AMACR: variants seen among roughly 807,000 people sequenced by gnomAD.
The protein encoded by AMACR is alpha-methylacyl-CoA racemase.
In AMACR, 18 loss-of-function variants were observed where a neutral mutation model predicts 22.2. The ratio of observed to expected loss-of-function variants is 0.81; its 90% CI spans 0.56 to 1.20. The LOEUF is 1.20. Among genes scored for constraint, AMACR ranks in the 50% most tolerant of loss-of-function variants. The pLI is 0.00. For missense variants in AMACR, 499 were observed against 490.6 expected, an observed-to-expected ratio of 1.02 and a Z score of -0.16; for synonymous variants, 213 against 191.3, an observed-to-expected ratio of 1.11 and a Z score of -0.94.
At position 33,988,296 on chromosome 5, in the gene AMACR, G is replaced by A; in HGVS notation, c.*797C>T. On this transcript the variant is annotated 3_prime_UTR_variant, in exon 5 of 5. Coordinates refer to ENST00000335606, the MANE Select transcript of AMACR (RefSeq NM_014324.6). ...GAGACACAAAACGACTTGCTGGGGG[G>A]TCCTGAGATCTTTATTTCTGGATGT... The A allele has an allele frequency of 6.5e-7, 1 of 1,537,188 alleles. No homozygotes were observed. The highest frequency in any genetic ancestry group is 8.7e-7 in the Non-Finnish European group (1 of 1,146,138).
intron 4 of AMACR, among the ~76,000 whole-genome samples, chr5:33,994,629 G>A (rs6863657): frequency 0.065 from 9,870 of 152,254 alleles, 462 homozygotes; most frequent in Non-Finnish European, 0.095. Flanking sequence ...GGTAGATTAG[G>A]TGAAAGGTGG....
chr5:33,998,423 T>C, intron 4 of AMACR, among the ~76,000 whole-genome samples: 1 of 152,154 alleles, frequency 6.6e-6, no homozygotes, highest in Admixed American at 6.6e-5. Flanking sequence ...AAGGGATTAT[T>C]ATTTTTAAAA....
In AMACR at chr5:33,988,323, G is replaced by T; in HGVS notation, c.*770C>A. 6.5e-7 allele frequency: 1 copy of T among 1,541,442 alleles called. No homozygotes were observed. Among genetic ancestry groups the T allele is most frequent in the Non-Finnish European group, 8.7e-7 (1 of 1,148,970 alleles). On this transcript the variant is annotated 3_prime_UTR_variant, in exon 5 of 5. Transcript: ENST00000335606. ...CCTGAGATCTTTATTTCTGGATGTT[G>T]CTGTGTGTTGGGTATAAGATCCAGA...
chr5:33,998,525 A>T, intron 4 of AMACR, 116 bp downstream of exon 4: 2 of 1,042,332 alleles, frequency 1.9e-6, no homozygotes, highest in Non-Finnish European at 2.8e-6. Context: ...TAATTAGGTT[A>T]ATTAGAAAGT....
chr5:34,003,965 A>C (rs1285486160), intron 3 of AMACR, among the ~76,000 whole-genome samples: 1 of 152,198 alleles, frequency 6.6e-6, no homozygotes, highest in African/African-American at 2.4e-5. Context: ...CCTCCTCTTT[A>C]AAACAACAAG....
intron 1 of AMACR, 135 bp downstream of exon 1, chr5:34,007,638 A>G: frequency 1.5e-6 from 2 of 1,336,016 alleles, no homozygotes. Context: ...GGAGGCAAAA[A>G]TCTGGAAGGC....
intron 4 of AMACR, among the ~76,000 whole-genome samples, chr5:33,990,336 G>A (rs899867163): frequency 1.1e-4 from 16 of 152,116 alleles, no homozygotes; most frequent in African/African-American, 3.9e-4. Flanking sequence ...TTTCCTCTCC[G>A]GCATGAAAGG....
chr5:34,006,432 A>G (rs576358309), intron 1 of AMACR, among the ~76,000 whole-genome samples: 15 of 152,236 alleles, frequency 9.9e-5, no homozygotes, highest in Non-Finnish European at 2.1e-4. Flanking sequence ...GCTATCAACA[A>G]GTATAGTATT....
At chr5:33,991,701 C>T (rs1753478779) in intron 4 of AMACR, among the ~76,000 whole-genome samples, 1 of 148,320 alleles carries the variant, frequency 6.7e-6, no homozygotes, top group African/African-American at 2.5e-5. Flanking sequence ...TGATATATGT[C>T]CAGGATGGCA....
chr5:34,006,817 C>T (rs2112074931), intron 1 of AMACR, among the ~76,000 whole-genome samples: 1 of 152,338 alleles, frequency 6.6e-6, no homozygotes, highest in South Asian at 2.1e-4. Flanking sequence ...CACCATTTAC[C>T]GATTTCCCAC....
chr5:33,991,909 C>T (rs1174226533), intron 4 of AMACR, among the ~76,000 whole-genome samples: 1 of 151,912 alleles, frequency 6.6e-6, no homozygotes, highest in African/African-American at 2.4e-5. Flanking sequence ...GACAGAGTCT[C>T]ACACTATTGC....
chr5:33,997,427 C>T (rs374760114), intron 4 of AMACR: 6 of 778,188 alleles, frequency 7.7e-6, no homozygotes, highest in African/African-American at 5.1e-5. Flanking sequence ...TGGGCTGCAA[C>T]GATGGCCATT....
intron 4 of AMACR, among the ~76,000 whole-genome samples, chr5:33,990,272 T>C (rs1753435989): frequency 6.6e-6 from 1 of 152,228 alleles, no homozygotes; most frequent in Non-Finnish European, 1.5e-5. Context: ...ATTGTTCCTA[T>C]AATAAACAAA....
At chr5:34,007,731 C>T (rs1754030417) in intron 1 of AMACR, 42 bp downstream of exon 1, 1 of 1,516,040 alleles carries the variant, frequency 6.6e-7, no homozygotes, top group Non-Finnish European at 8.8e-7. Context: ...CCCTCCCCTC[C>T]GCGGGAACTT....
intron 2 of AMACR, 33 bp from the exon 3 acceptor site, chr5:34,004,767 T>C (rs750839179): frequency 4.4e-6 from 7 of 1,603,104 alleles, no homozygotes; most frequent in Admixed American, 1.7e-5. Context: ...AATGTCTCTT[T>C]TAAATTTAAT....
At chr5:33,998,586 C>T in intron 4 of AMACR, 55 bp downstream of exon 4, 1 of 1,523,832 alleles carries the variant, frequency 6.6e-7, no homozygotes, top group South Asian at 1.3e-5. Context: ...AAAATAGAAC[C>T]AAAGAACATC....
Position 33,989,272 on chromosome 5 carries a change from T to A in AMACR, c.970A>T (p.Ser324Cys). The A allele has an allele frequency of 1.2e-6, 2 of 1,614,156 alleles. No individual in the cohort carries two copies. Among genetic ancestry groups the A allele is most frequent in the Non-Finnish European group, 1.7e-6 (2 of 1,180,022 alleles). Residue 324 changes from serine to cysteine, a missense_variant, in exon 5 of 5, where the codon AGC becomes TGC. Physicochemically the swap from Ser to Cys is moderately radical, Grantham distance 112. Coordinates refer to ENST00000335606, the MANE Select transcript of AMACR (RefSeq NM_014324.6). ...AACAGCAGAGGTGCAGGGCGGGGGC[T>A]CACGTCCTGCTCCTCACTGGTGATA... ...SFITSEEQDV[S>C]PRPAPLLLNT...
chr5:33,992,185 A>G (rs1034354703), intron 4 of AMACR, among the ~76,000 whole-genome samples: 1 of 151,974 alleles, frequency 6.6e-6, no homozygotes, highest in African/African-American at 2.4e-5. Context: ...GGCCATAAAA[A>G]TTATTTTTAT....
rs1008877603 is a variant in AMACR, at chr5:33,989,490, T to A, written c.752A>T (p.Lys251Met). 6.2e-7 allele frequency: 1 copy of A among 1,613,876 alleles called. No individual in the cohort carries two copies. Among genetic ancestry groups the A allele is most frequent in the East Asian group, 2.2e-5 (1 of 44,896 alleles). The change falls in exon 5 of 5, where the codon AAG (lysine) becomes ATG (methionine). Residue 251 changes from lysine (K) to methionine (M), a missense_variant. Transcript: ENST00000335606. ...CATCTGATTGGGAAGTTCATCAGAC[T>A]TTAGTCCAAGTCCTGAGGAAAAATA... ...YELLIKGLGL[K>M]SDELPNQMSM...
Sources: gnomAD v4.1 joint callset for allele counts (sites outside exome capture counted in the v4.1 genomes callset) on GRCh38, gnomAD v4.1.1 for gene constraint, MANE v1.5 for transcripts, NCBI Gene and HGNC (gene_info 2026-07-23, HGNC 2026-07-21) for gene names.